Variants in TTLL3 observed in about 807,000 individuals in gnomAD.
TTLL3 encodes the protein tubulin tyrosine ligase like 3, also known as tubulin monoglycylase TTLL3.
TTLL3 carries 63 observed loss-of-function variants against 75.2 expected under a neutral mutation model. The ratio of observed to expected loss-of-function variants is 0.84; its 90% CI spans 0.68 to 1.03. TTLL3 has a LOEUF of 1.03. Among genes scored for constraint, TTLL3 ranks in the 50% least tolerant of loss-of-function variants. TTLL3 has a pLI of 0.00. For synonymous variants in TTLL3, 393 were observed against 418.5 expected, an observed-to-expected ratio of 0.94 and a Z score of 0.74; for missense variants, 997 against 1,069.9, an observed-to-expected ratio of 0.93 and a Z score of 0.95.
chr3:9,818,458 TC>T (rs1212362230), intron 6 of TTLL3: 1 of 193,140 alleles, frequency 5.2e-6, no homozygotes, highest in Non-Finnish European at 1.0e-5. Flanking sequence ...AAGCTCCGCC[TC>T]CCAGGTTCCC....
At chr3:9,831,712 A>G (rs1414869677) in intron 11 of TTLL3, among the ~76,000 whole-genome samples, 2 of 151,782 alleles carry the variant, frequency 1.3e-5, no homozygotes, top group African/African-American at 4.8e-5. Context: ...TTCTGCATTT[A>G]TTAGCTGAGA....
chr3:9,835,216 A>T lies in TTLL3; in HGVS notation c.2175A>T (p.Pro725=), dbSNP rs780884535. 2 of 1,614,204 alleles carry T rather than the reference A, an allele frequency of 1.2e-6. No individual in the cohort carries two copies. Among genetic ancestry groups the T allele is most frequent in the South Asian group, 2.2e-5 (2 of 91,090 alleles). ...CAAGGCCAAAGGCAAATTCAAGGCCAGACTGTGACAAACCCAGGGCTGAGG... is the reference window on the plus strand; with the variant it reads ...CAAGGCCAAAGGCAAATTCAAGGCCTGACTGTGACAAACCCAGGGCTGAGG... The part of the protein sequence containing the change: ...GRSRPKANSR[P]DCDKPRAEAC... Residue 725 remains proline (P), a synonymous_variant, in exon 14 of 14, where the codon CCA becomes CCT. Transcript: ENST00000685419.
At chr3:9,809,835 C>G (rs552734462), upstream of TTLL3, 2 of 463,758 alleles carry the variant, frequency 4.3e-6, no homozygotes, top group East Asian at 3.7e-5. Context: ...CAACCAGCCC[C>G]GAGCGGTCTG....
chr3:9,809,913 T>C, upstream of TTLL3: 1 of 609,242 alleles, frequency 1.6e-6, no homozygotes, highest in Admixed American at 1.0e-4. Flanking sequence ...AGGACAAGGC[T>C]CGAGCCTAGG....
chr3:9,829,306 G>A lies in TTLL3; in HGVS notation c.1594G>A (p.Gly532Ser). ...STAVTARLCA[G>S]VQADTLRVVI... ...AGCAGTCACTGCCCGGCTCTGTGCT[G>A]GCGTGCAAGCTGACACCCTGCGCGT... The change falls in exon 11 of 14, where the codon GGC (glycine) becomes AGC (serine). Residue 532 changes from glycine to serine, a missense_variant. Gly to Ser is a moderately conservative substitution (Grantham distance 56). Transcript: ENST00000685419. 6.2e-7 allele frequency: 1 copy of A among 1,613,994 alleles called. No individual in the cohort carries two copies.
intron 13 of TTLL3, 41 bp from the exon 14 acceptor site, chr3:9,835,053 C>A (rs2081955250): frequency 6.3e-7 from 1 of 1,589,212 alleles, no homozygotes; most frequent in Non-Finnish European, 8.6e-7. Flanking sequence ...CCTCCACAGA[C>A]TTCTGATCAT....
At position 9,835,192 on chromosome 3, in the gene TTLL3, A is replaced by G; in HGVS notation, c.2151A>G (p.Ser717=). The part of the protein sequence containing the change: ...SEQFLAPVGR[S]RPKANSRPDC... ...AATTCCTAGCACCTGTCGGAAGGTC[A>G]AGGCCAAAGGCAAATTCAAGGCCAG... Residue 717 remains serine, a synonymous_variant, in exon 14 of 14, where the codon TCA becomes TCG. Transcript: ENST00000685419. 1 of 1,614,228 alleles carries G rather than the reference A, an allele frequency of 6.2e-7. No homozygotes were observed. The highest frequency in any genetic ancestry group is 8.5e-7 in the Non-Finnish European group (1 of 1,180,036).
At chr3:9,828,908 G>T in intron 10 of TTLL3, 52 bp from the exon 11 acceptor site, 1 of 1,597,440 alleles carries the variant, frequency 6.3e-7, no homozygotes, top group Non-Finnish European at 8.6e-7. Context: ...CCCTGAGTTT[G>T]GATGGGAGAG....
chr3:9,831,227 C>G (rs1334945515), intron 11 of TTLL3, among the ~76,000 whole-genome samples: 1 of 152,128 alleles, frequency 6.6e-6, no homozygotes, highest in African/African-American at 2.4e-5. Flanking sequence ...TGCCTTTTGA[C>G]CCCATAGTTT....
intron 11 of TTLL3, among the ~76,000 whole-genome samples, chr3:9,830,292 T>C (rs549747435): frequency 4.6e-5 from 7 of 152,348 alleles, no homozygotes; most frequent in African/African-American, 1.7e-4. Flanking sequence ...TGGTAGCTAC[T>C]ATTATTAGTA....
rs547682458 is a variant in TTLL3, at chr3:9,835,593, T to G, written c.*104T>G. ...TCCCCCAGCATCTCCGATCCAGGGG[T>G]GGGGAGCGTGAGCCTTCACTTTACA... On this transcript the variant is annotated 3_prime_UTR_variant, in exon 14 of 14. Transcript: ENST00000685419. The G allele has an allele frequency of 5.4e-5, 63 of 1,166,172 alleles. No individual in the cohort carries two copies. The East Asian group carries it at 1.5e-3, about 27-fold the overall frequency. The allele number at this position is 1,166,172 out of a possible 1,614,324, so 72.2% of individuals were successfully genotyped here.
At chr3:9,826,116 T>C (rs2081014356) in intron 9 of TTLL3, among the ~76,000 whole-genome samples, 168 bp downstream of exon 9, 1 of 152,250 alleles carries the variant, frequency 6.6e-6, no homozygotes. Flanking sequence ...AGCGCCTCCC[T>C]GAACCTCAGT....
At chr3:9,821,016 G>T (rs1174926569) in intron 8 of TTLL3, 1 of 449,202 alleles carries the variant, frequency 2.2e-6, no homozygotes. Flanking sequence ...TAATTCTACA[G>T]GAAGTAAATA....
chr3:9,835,544 A>T lies in TTLL3; in HGVS notation c.*55A>T, dbSNP rs2081979240. Reference sequence around the variant, plus strand: ...GCCCAGAATTCCCACCTAAGGACAGACATGGGGCTTCCTATTTAGGGACTC... The same window carrying T: ...GCCCAGAATTCCCACCTAAGGACAGTCATGGGGCTTCCTATTTAGGGACTC... On this transcript the variant is annotated 3_prime_UTR_variant, in exon 14 of 14. Transcript: ENST00000685419. 6.7e-7 allele frequency: 1 copy of T among 1,496,352 alleles called. No individual in the cohort carries two copies. Among genetic ancestry groups the T allele is most frequent in the Non-Finnish European group, 8.9e-7 (1 of 1,120,888 alleles). 92.7% of individuals were successfully genotyped at this position (1,496,352 alleles called of 1,614,324 possible). A position where few individuals can be genotyped will look rare whatever the true frequency, so the allele number is the denominator to read the frequency against.
chr3:9,814,529 T>A (rs1173915823), intron 4 of TTLL3, among the ~76,000 whole-genome samples: 2 of 151,862 alleles, frequency 1.3e-5, no homozygotes, highest in East Asian at 3.9e-4. Context: ...ATGCCTGTAA[T>A]CACAGCTACT....
At chr3:9,826,892 C>A in intron 9 of TTLL3, 105 bp from the exon 10 acceptor site, 2 of 1,550,400 alleles carry the variant, frequency 1.3e-6, no homozygotes, top group Non-Finnish European at 8.7e-7. Flanking sequence ...CAGCCTTACC[C>A]ACTCAGCCCT....
chr3:9,816,455 CA>C (rs2079868801), intron 5 of TTLL3, among the ~76,000 whole-genome samples: 2 of 151,890 alleles, frequency 1.3e-5, no homozygotes, highest in Non-Finnish European at 2.9e-5. Context: ...TGATAGTGAG[CA>C]AACGGACTCT....
intron 12 of TTLL3, 71 bp from the exon 13 acceptor site, chr3:9,834,610 C>G (rs1038097976): frequency 1.3e-6 from 2 of 1,594,354 alleles, no homozygotes; most frequent in African/African-American, 1.3e-5. Context: ...ATCCTCCACA[C>G]GTACCTGTTA....
intron 7 of TTLL3, chr3:9,819,754 A>G: frequency 2.0e-6 from 2 of 985,458 alleles, no homozygotes; most frequent in Non-Finnish European, 2.4e-6. Context: ...TCCAGGAAGG[A>G]GGAAAATCCC....
Sources: gnomAD v4.1 joint callset for allele counts (sites outside exome capture counted in the v4.1 genomes callset) on GRCh38, gnomAD v4.1.1 for gene constraint, MANE v1.5 for transcripts, NCBI Gene and HGNC (gene_info 2026-07-23, HGNC 2026-07-21) for gene names.